The following FBN1 variants were observed in gnomAD, a reference collection of about 807,000 sequenced individuals.
FBN1 encodes the protein fibrillin-1.
In FBN1, 29 loss-of-function variants were observed where a neutral mutation model predicts 365.1. The observed-to-expected ratio is 0.08, with a 90% CI of 0.06 to 0.11. FBN1 has a LOEUF of 0.11. Ranked by LOEUF, FBN1 falls within the 10% of genes least tolerant of loss-of-function variation. The pLI is 1.00. For synonymous variants in FBN1, 1,210 were observed against 1,270.5 expected (o/e 0.95, Z 1.01); for missense variants, 2,476 against 3,703.2 (o/e 0.67, Z 8.60).
chr15:48,439,550 AC>A (rs1468803947), intron 50 of FBN1, among the ~76,000 whole-genome samples: 2 of 152,180 alleles, frequency 1.3e-5, no homozygotes, highest in African/African-American at 4.8e-5. Flanking sequence ...GCCTCCAACT[AC>A]CTTTAGATAT....
At chr15:48,616,093 T>C (rs1309469661) in intron 2 of FBN1, among the ~76,000 whole-genome samples, 1 of 152,248 alleles carries the variant, frequency 6.6e-6, no homozygotes, top group Non-Finnish European at 1.5e-5. Flanking sequence ...AGAATACTTC[T>C]TGTTTTATTC....
chr15:48,636,366 T>C (rs747956656), intron 2 of FBN1, among the ~76,000 whole-genome samples: 4 of 152,120 alleles, frequency 2.6e-5, no homozygotes, highest in Non-Finnish European at 4.4e-5. Flanking sequence ...TATGAGTCCA[T>C]GTGACCCCAG....
intron 13 of FBN1, among the ~76,000 whole-genome samples, chr15:48,510,398 C>G (rs1452934124): frequency 6.6e-6 from 1 of 152,114 alleles, no homozygotes; most frequent in Non-Finnish European, 1.5e-5. Context: ...ACTCTAATTT[C>G]TAATAAGACT....
Position 48,605,298 on chromosome 15 carries a change from C to T in FBN1, c.347-5064G>A, listed in dbSNP as rs150795158. ...AATAAAAATAAAACTATGAAACCATCAGAAAAAAGTTGGAGAAAATCTTCA... is the reference window on the plus strand; with the variant it reads ...AATAAAAATAAAACTATGAAACCATTAGAAAAAAGTTGGAGAAAATCTTCA... On this transcript the variant is annotated intron_variant, in intron 4 of 65. Transcript: ENST00000316623. Among the ~76,000 whole-genome samples the T allele has an allele frequency of 3.7e-4, 56 of 152,166 alleles. 1 individual carries two copies. In the East Asian group the frequency reaches 0.011, roughly 29 times the overall value.
chr15:48,493,901 A>C (rs2043581270), intron 23 of FBN1, among the ~76,000 whole-genome samples: 1 of 152,232 alleles, frequency 6.6e-6, no homozygotes, highest in Admixed American at 6.5e-5. Context: ...TTACAGACTC[A>C]TCAAAAACTT....
intron 6 of FBN1, among the ~76,000 whole-genome samples, chr15:48,582,647 C>T (rs1366054071): frequency 2.0e-5 from 3 of 152,156 alleles, no homozygotes; most frequent in South Asian, 4.1e-4. Context: ...CAAAGGCGTT[C>T]CCCAGGGACA....
intron 29 of FBN1, among the ~76,000 whole-genome samples, chr15:48,486,138 TA>T (rs2043504671): frequency 6.6e-6 from 1 of 152,138 alleles, no homozygotes; most frequent in African/African-American, 2.4e-5. Context: ...GCAGGAGAAG[TA>T]TTGGGTGCTA....
chr15:48,612,139 C>A (rs1326181129), intron 3 of FBN1, among the ~76,000 whole-genome samples: 2 of 152,078 alleles, frequency 1.3e-5, no homozygotes, highest in Admixed American at 1.3e-4. Context: ...CCATAATGTG[C>A]CAAATAAAGG....
intron 58 of FBN1, among the ~76,000 whole-genome samples, chr15:48,427,020 A>C (rs890910860): frequency 5.3e-5 from 8 of 152,208 alleles, no homozygotes; most frequent in Non-Finnish European, 8.8e-5. Context: ...TACAGTTGAT[A>C]AACACAGGAA....
At position 48,428,172 on chromosome 15, in the gene FBN1, G is replaced by T. The variant is rs972848969; in HGVS notation, c.6997+174C>A. The stretch of plus-strand genomic sequence containing the variant: ...TAGCAAAGGAAGAATTTAGCTGCAG[G>T]GTGGTGCTGAGCCCAATGGACAATC... On this transcript the variant is annotated intron_variant, in intron 57 of 65. Coordinates refer to ENST00000316623, the MANE Select transcript of FBN1 (RefSeq NM_000138.5). The T allele has an allele frequency of 1.4e-5, 11 of 790,570 alleles. No homozygotes were observed. The African/African-American group carries it at 1.9e-4, about 14-fold the overall frequency. The allele number at this position is 790,570 out of a possible 1,614,324, so 49.0% of individuals were successfully genotyped here. A position where few individuals can be genotyped will look rare whatever the true frequency, so the allele number is the denominator to read the frequency against.
chr15:48,550,890 T>G (rs1460859705), intron 6 of FBN1, among the ~76,000 whole-genome samples: 3 of 152,184 alleles, frequency 2.0e-5, no homozygotes, highest in Non-Finnish European at 4.4e-5. Flanking sequence ...GGATACATAT[T>G]TTGTCTCTTT....
At chr15:48,502,476 A>C (rs1209609244) in intron 17 of FBN1, among the ~76,000 whole-genome samples, 2 of 152,206 alleles carry the variant, frequency 1.3e-5, no homozygotes, top group African/African-American at 4.8e-5. Context: ...TTTACTCTTT[A>C]ATTTGTTTCC....
intron 6 of FBN1, among the ~76,000 whole-genome samples, chr15:48,552,035 T>C (rs1034365882): frequency 1.3e-5 from 2 of 152,234 alleles, no homozygotes; most frequent in Non-Finnish European, 2.9e-5. Flanking sequence ...GTGGTATTGC[T>C]GGGTCAAATG....
intron 4 of FBN1, among the ~76,000 whole-genome samples, chr15:48,600,855 G>T (rs764801816): frequency 6.6e-6 from 1 of 152,128 alleles, no homozygotes; most frequent in Non-Finnish European, 1.5e-5. Context: ...GTAACCATAT[G>T]AGACAAGATT....
At chr15:48,570,438 G>A (rs1474350626) in intron 6 of FBN1, among the ~76,000 whole-genome samples, 1 of 151,212 alleles carries the variant, frequency 6.6e-6, no homozygotes, top group Non-Finnish European at 1.5e-5. Context: ...TTTGTTTTGT[G>A]CCTCTGCTAC....
intron 56 of FBN1, 121 bp from the exon 57 acceptor site, chr15:48,428,592 C>A (rs2043000999): frequency 1.8e-6 from 2 of 1,094,210 alleles, no homozygotes; most frequent in East Asian, 2.4e-5. Context: ...TTGTTCCTTT[C>A]TCCTTTCCTT....
intron 53 of FBN1, among the ~76,000 whole-genome samples, chr15:48,436,094 A>C (rs4255736): frequency 0.081 from 12,353 of 152,136 alleles, 1,280 homozygotes; most frequent in East Asian, 0.25. Context: ...CTGAGGAGAA[A>C]ACATTGAAAT....
chr15:48,603,847 C>T (rs56861672), intron 4 of FBN1, among the ~76,000 whole-genome samples: 3,609 of 152,272 alleles, frequency 0.024, 158 homozygotes, highest in African/African-American at 0.084. Context: ...CCAGTGAGGA[C>T]CTGCCCTTGA....
chr15:48,485,747 T>C (rs1403871425), intron 29 of FBN1, among the ~76,000 whole-genome samples: 1 of 152,204 alleles, frequency 6.6e-6, no homozygotes, highest in Non-Finnish European at 1.5e-5. Flanking sequence ...AGAAGGACCA[T>C]GCAAAATCCT....
Sources: allele counts gnomAD v4.1 joint callset (sites outside exome capture counted in the v4.1 genomes callset), GRCh38; gene constraint gnomAD v4.1.1; transcripts MANE v1.5; gene names NCBI Gene and HGNC (gene_info 2026-07-23, HGNC 2026-07-21).